The following LDLRAD3 variants were observed in gnomAD, a reference collection of about 807,000 sequenced individuals.
LDLRAD3 encodes low-density lipoprotein receptor class A domain-containing protein 3.
LDLRAD3 carries 20 observed loss-of-function variants against 29.4 expected under a neutral mutation model. That is an observed-to-expected ratio of 0.68 (90% CI 0.48 to 0.99). The LOEUF is 0.99. LDLRAD3 is among the 50% of genes least tolerant of loss of function. The pLI is 0.00. For missense variants in LDLRAD3, 420 were observed against 454.3 expected (o/e 0.92, Z 0.69); for synonymous variants, 157 against 192.7 (o/e 0.81, Z 1.53).
At chr11:36,170,814 T>C (rs1854588273) in intron 4 of LDLRAD3, among the ~76,000 whole-genome samples, 1 of 151,848 alleles carries the variant, frequency 6.6e-6, no homozygotes, top group African/African-American at 2.4e-5. Flanking sequence ...CTTTTTTTTT[T>C]TTTTTTGAGA....
chr11:36,100,303 G>A (rs1416355873), intron 4 of LDLRAD3, among the ~76,000 whole-genome samples: 1 of 152,198 alleles, frequency 6.6e-6, no homozygotes, highest in Non-Finnish European at 1.5e-5. Context: ...CTTTACACAA[G>A]ATCAAATTTT....
At chr11:35,963,560 A>G (rs1851304787) in intron 1 of LDLRAD3, among the ~76,000 whole-genome samples, 1 of 152,152 alleles carries the variant, frequency 6.6e-6, no homozygotes, top group East Asian at 1.9e-4. Context: ...TTCCTTGGCA[A>G]TAATCATCAT....
chr11:36,016,678 G>A (rs749268708), intron 1 of LDLRAD3, among the ~76,000 whole-genome samples: 1 of 152,158 alleles, frequency 6.6e-6, no homozygotes, highest in Non-Finnish European at 1.5e-5. Flanking sequence ...GGACCTCTCA[G>A]TTCCTTCCCT....
At chr11:36,101,149 C>G (rs16928399) in intron 4 of LDLRAD3, among the ~76,000 whole-genome samples, 33,918 of 152,100 alleles carry the variant, frequency 0.22, 4,084 homozygotes, top group East Asian at 0.35. Context: ...TATGCACGTG[C>G]TCCCAGAAAA....
intron 4 of LDLRAD3, among the ~76,000 whole-genome samples, chr11:36,110,475 GTC>G (rs1031699602): frequency 1.3e-5 from 2 of 152,268 alleles, no homozygotes; most frequent in East Asian, 1.9e-4. Context: ...AGGGCTTGCT[GTC>G]TCTCTGCAAG....
intron 4 of LDLRAD3, among the ~76,000 whole-genome samples, chr11:36,195,652 T>C (rs1315060985): frequency 6.6e-6 from 1 of 152,210 alleles, no homozygotes; most frequent in Non-Finnish European, 1.5e-5. Context: ...AGCCCTTCGA[T>C]GCATCAGACT....
intron 2 of LDLRAD3, among the ~76,000 whole-genome samples, chr11:36,044,753 G>C (rs1565182177): frequency 6.6e-6 from 1 of 152,228 alleles, no homozygotes. Flanking sequence ...GGTGAGCCAG[G>C]CTCTTGAGGT....
chr11:36,004,633 C>T (rs1045848805), intron 1 of LDLRAD3, among the ~76,000 whole-genome samples: 2 of 152,200 alleles, frequency 1.3e-5, no homozygotes, highest in South Asian at 2.1e-4. Context: ...CTAGGCAGTG[C>T]CCCAGTGGTT....
intron 4 of LDLRAD3, among the ~76,000 whole-genome samples, chr11:36,156,911 G>A (rs1362289677): frequency 2.6e-5 from 4 of 152,236 alleles, no homozygotes; most frequent in Non-Finnish European, 5.9e-5. Flanking sequence ...CTGCCTTTTC[G>A]GATCTGGTTG....
rs960210973 is a variant in LDLRAD3, at chr11:36,230,538, G to A, written c.*1141G>A. The A allele has an allele frequency of 6.5e-6, 1 of 152,698 alleles. No homozygotes were observed. Among genetic ancestry groups the A allele is most frequent in the Non-Finnish European group, 1.5e-5 (1 of 68,114 alleles). The allele number at this position is 152,698 out of a possible 1,614,324, so 9.5% of individuals were successfully genotyped here. On this transcript the variant is annotated 3_prime_UTR_variant, in exon 6 of 6. Transcript: ENST00000315571. The stretch of plus-strand genomic sequence containing the variant: ...CCCAATACCAGCACCTCTAGTTAGA[G>A]TTAGGGTCAGGGTCAGGCCTCTCCC...
chr11:36,143,756 G>C (rs1359167941), intron 4 of LDLRAD3, among the ~76,000 whole-genome samples: 1 of 151,942 alleles, frequency 6.6e-6, no homozygotes, highest in Non-Finnish European at 1.5e-5. Context: ...CTTTTTTTTG[G>C]CTTGTAGATG....
intron 4 of LDLRAD3, among the ~76,000 whole-genome samples, chr11:36,145,469 G>A (rs999416463): frequency 1.4e-5 from 2 of 144,964 alleles, no homozygotes; most frequent in African/African-American, 5.3e-5. Flanking sequence ...GAAGTGAGGA[G>A]CCTCTCTGCC....
intron 3 of LDLRAD3, among the ~76,000 whole-genome samples, chr11:36,096,835 A>G (rs913121827): frequency 1.3e-5 from 2 of 152,252 alleles, no homozygotes; most frequent in Non-Finnish European, 2.9e-5. Flanking sequence ...CAAATCATGT[A>G]GAGGGTCCTG....
At chr11:36,074,217 C>T (rs543630557) in intron 2 of LDLRAD3, among the ~76,000 whole-genome samples, 62 of 152,272 alleles carry the variant, frequency 4.1e-4, no homozygotes, top group African/African-American at 1.2e-3. Context: ...TGCAAATGAG[C>T]GTACGTTCTT....
intron 1 of LDLRAD3, among the ~76,000 whole-genome samples, chr11:35,946,653 G>A (rs1001693083): frequency 7.2e-5 from 11 of 152,152 alleles, no homozygotes; most frequent in Non-Finnish European, 1.6e-4. Context: ...AGCCATGCTG[G>A]ATGATGGTCC....
chr11:36,227,538 C>A, intron 5 of LDLRAD3, 108 bp downstream of exon 5: 1 of 797,600 alleles, frequency 1.3e-6, no homozygotes, highest in Non-Finnish European at 1.9e-6. Flanking sequence ...CTGGCTTCAG[C>A]TGCTATAGGC....
At chr11:36,226,908 C>A (rs976174161) in intron 4 of LDLRAD3, among the ~76,000 whole-genome samples, 177 bp from the exon 5 acceptor site, 1 of 152,070 alleles carries the variant, frequency 6.6e-6, no homozygotes, top group Admixed American at 6.6e-5. Flanking sequence ...GTGGATGTAC[C>A]ACGTTTTGTT....
At chr11:36,209,353 CTTTTTTT>C (rs71044560) in intron 4 of LDLRAD3, among the ~76,000 whole-genome samples, 14 of 68,598 alleles carry the variant, frequency 2.0e-4, no homozygotes, top group African/African-American at 8.1e-4. Context: ...AGAAACTGTA[CTTTTTTT>C]TTTTTTTTTT....
intron 1 of LDLRAD3, among the ~76,000 whole-genome samples, chr11:35,995,255 G>A (rs962211947): frequency 6.6e-6 from 1 of 152,228 alleles, no homozygotes; most frequent in Admixed American, 6.5e-5. Flanking sequence ...AATGGATGTT[G>A]TGTTAGCAGG....
Sources: allele counts gnomAD v4.1 joint callset (sites outside exome capture counted in the v4.1 genomes callset), GRCh38; gene constraint gnomAD v4.1.1; transcripts MANE v1.5; gene names NCBI Gene and HGNC (gene_info 2026-07-23, HGNC 2026-07-21).